ZNF366: variants seen among roughly 807,000 people sequenced by gnomAD.
ZNF366 encodes the protein zinc finger protein 366, also known as dendritic cell-specific transcript protein.
In ZNF366, 20 loss-of-function variants were observed where a neutral mutation model predicts 47.2. The observed-to-expected ratio is 0.42, with a 90% CI of 0.30 to 0.62. The LOEUF is 0.62. ZNF366 is among the 20% of genes least tolerant of loss of function. The pLI is 0.16. For missense variants in ZNF366, 987 were observed against 976.3 expected, an observed-to-expected ratio of 1.01 and a Z score of -0.15; for synonymous variants, 421 against 395.1, an observed-to-expected ratio of 1.07 and a Z score of -0.78.
chr5:72,503,530 T>TACACACACACACACAC (rs34375286), intron 1 of ZNF366, among the ~76,000 whole-genome samples: 1 of 148,736 alleles, frequency 6.7e-6, no homozygotes, highest in African/African-American at 2.5e-5. Context: ...TGAATTCTAA[T>TACACACACACACACAC]ACACACACAC....
chr5:72,493,977 T>C (rs1012701746), intron 1 of ZNF366, among the ~76,000 whole-genome samples: 27 of 144,364 alleles, frequency 1.9e-4, no homozygotes, highest in Admixed American at 1.7e-3. Context: ...TTCACCATAT[T>C]GGCCAGGCCA....
intron 1 of ZNF366, among the ~76,000 whole-genome samples, chr5:72,462,548 T>TTTCTTTCTTTC (rs1491183598): frequency 4.1e-5 from 1 of 24,490 alleles, no homozygotes; most frequent in African/African-American, 2.4e-4. Context: ...TCTTTCTTTC[T>TTTCTTTCTTTC]TTTTTTTTTT....
intron 2 of ZNF366, 53 bp downstream of exon 2, chr5:72,460,112 G>A (rs1743268969): frequency 6.3e-7 from 1 of 1,578,134 alleles, no homozygotes; most frequent in Non-Finnish European, 8.6e-7. Context: ...TCTGCTCAGG[G>A]CCCCGCTCCT....
chr5:72,459,894 T>A (rs1048149913), intron 2 of ZNF366, among the ~76,000 whole-genome samples: 7 of 152,194 alleles, frequency 4.6e-5, no homozygotes, highest in Non-Finnish European at 7.3e-5. Context: ...TCCTTCCTCA[T>A]CTCCTCTGCA....
intron 1 of ZNF366, among the ~76,000 whole-genome samples, chr5:72,485,161 C>A (rs994811317): frequency 4.6e-5 from 7 of 152,124 alleles, no homozygotes; most frequent in African/African-American, 1.7e-4. Context: ...TGATTAAATG[C>A]GGAAAAAATA....
intron 3 of ZNF366, among the ~76,000 whole-genome samples, chr5:72,448,007 G>C (rs1742992519): frequency 6.6e-6 from 1 of 152,118 alleles, no homozygotes; most frequent in Non-Finnish European, 1.5e-5. Flanking sequence ...ACCATACTGT[G>C]CGTCTCCCAA....
chr5:72,502,272 A>G (rs911136695), intron 1 of ZNF366, among the ~76,000 whole-genome samples: 5 of 152,248 alleles, frequency 3.3e-5, no homozygotes, highest in African/African-American at 4.8e-5. Flanking sequence ...CTGGATGAAG[A>G]CATGTTCTTA....
At chr5:72,494,046 C>T (rs1006154113) in intron 1 of ZNF366, among the ~76,000 whole-genome samples, 4 of 150,750 alleles carry the variant, frequency 2.7e-5, no homozygotes, top group Non-Finnish European at 5.9e-5. Flanking sequence ...GCTGGGATTA[C>T]AGGAGTGAGC....
chr5:72,460,502 C>A lies in ZNF366; in HGVS notation c.995G>T (p.Ser332Ile). Residue 332 changes from serine to isoleucine, a missense_variant, in exon 2 of 5, where the codon AGC (serine) becomes ATC (isoleucine). Physicochemically the swap from Ser to Ile is moderately radical, Grantham distance 142. Around this residue, in one of 3 missense-constraint regions of ZNF366, gnomAD observed 591 missense variants for 560.9 expected, o/e 1.05. Transcript: ENST00000318442. ...SHLKRHMMQH[S>I]EVKPHNCRVC... ...GCGGCAGTTGTGCGGCTTCACCTCG[C>A]TGTGCTGCATCATGTGGCGCTTCAG... The A allele has an allele frequency of 6.2e-7, 1 of 1,614,016 alleles. No homozygotes were observed. The highest frequency in any genetic ancestry group is 8.5e-7 in the Non-Finnish European group (1 of 1,179,986).
intron 1 of ZNF366, among the ~76,000 whole-genome samples, chr5:72,479,254 G>A (rs542238789): frequency 6.6e-6 from 1 of 152,000 alleles, no homozygotes; most frequent in Non-Finnish European, 1.5e-5. Context: ...AGGTTGAATA[G>A]CCTGATTGTA....
At chr5:72,495,572 G>C (rs896273849) in intron 1 of ZNF366, among the ~76,000 whole-genome samples, 1 of 152,100 alleles carries the variant, frequency 6.6e-6, no homozygotes, top group Non-Finnish European at 1.5e-5. Context: ...CCCAATAAAC[G>C]GAGAGTCAAC....
chr5:72,461,764 G>A (rs910842765), intron 1 of ZNF366, among the ~76,000 whole-genome samples: 11 of 152,166 alleles, frequency 7.2e-5, no homozygotes, highest in African/African-American at 2.7e-4. Flanking sequence ...TGTAAATCCA[G>A]CCACAAAACC....
In ZNF366 at chr5:72,444,167, C is replaced by A. The variant is rs760899891; in HGVS notation, c.1824G>T (p.Gly608=). 1.5e-5 allele frequency: 24 copies of A among 1,613,594 alleles called. No homozygotes were observed. Among genetic ancestry groups the A allele is most frequent in the Non-Finnish European group, 2.0e-5 (24 of 1,180,040 alleles). The change falls in exon 5 of 5, where the codon GGG becomes GGT. Residue 608 remains glycine (G), a synonymous_variant. Coordinates refer to ENST00000318442, the MANE Select transcript of ZNF366 (RefSeq NM_152625.3). ...RAKVPVFQSD[G]ESAQGSHCHE... is the part of the protein sequence containing the mutation. ...GGCAGTGGCTGCCCTGGGCACTCTCCCCGTCTGACTGGAACACCGGCACCT... is the reference window on the plus strand; with the variant it reads ...GGCAGTGGCTGCCCTGGGCACTCTCACCGTCTGACTGGAACACCGGCACCT...
At chr5:72,448,809 G>A (rs1261694609) in intron 3 of ZNF366, among the ~76,000 whole-genome samples, 1 of 152,122 alleles carries the variant, frequency 6.6e-6, no homozygotes, top group Non-Finnish European at 1.5e-5. Context: ...AGAGTAGATA[G>A]ACCTCTCAAA....
chr5:72,479,123 G>A (rs1743730871), intron 1 of ZNF366, among the ~76,000 whole-genome samples: 1 of 152,126 alleles, frequency 6.6e-6, no homozygotes. Context: ...TTTGTAACAG[G>A]AAACATTGTA....
chr5:72,463,202 C>T (rs979379095), intron 1 of ZNF366, among the ~76,000 whole-genome samples: 1 of 152,212 alleles, frequency 6.6e-6, no homozygotes, highest in Admixed American at 6.5e-5. Context: ...TTACAATGAT[C>T]CAGCTGTTCT....
At chr5:72,459,906 A>C (rs2112326977) in intron 2 of ZNF366, among the ~76,000 whole-genome samples, 1 of 152,270 alleles carries the variant, frequency 6.6e-6, no homozygotes, top group South Asian at 2.1e-4. Context: ...TCCTCTGCAA[A>C]TGTCTGCATT....
chr5:72,461,299 C>A lies in ZNF366; in HGVS notation c.198G>T (p.Gly66=). The change falls in exon 2 of 5, where the codon GGG becomes GGT. Residue 66 remains glycine (G), a synonymous_variant. Coordinates refer to ENST00000318442, the MANE Select transcript of ZNF366 (RefSeq NM_152625.3). ...RYEPPPGDLD[G]FPGVFEGAGS... Reference sequence around the variant, plus strand: ...CTGCTCCTTCGAAGACCCCGGGGAACCCATCTAGGTCTCCTGGGGGAGGTT... The same window carrying A: ...CTGCTCCTTCGAAGACCCCGGGGAAACCATCTAGGTCTCCTGGGGGAGGTT... The A allele has an allele frequency of 1.2e-6, 2 of 1,614,050 alleles. No homozygotes were observed. The highest frequency in any genetic ancestry group is 1.7e-6 in the Non-Finnish European group (2 of 1,180,006).
intron 3 of ZNF366, among the ~76,000 whole-genome samples, chr5:72,452,373 G>T (rs1318740541): frequency 2.0e-5 from 3 of 152,196 alleles, no homozygotes; most frequent in Admixed American, 6.5e-5. Context: ...GCGGTCCCCT[G>T]GGGACATGTG....
Sources: gnomAD v4.1 joint callset for allele counts (sites outside exome capture counted in the v4.1 genomes callset) on GRCh38, gnomAD v4.1.1 for gene constraint, gnomAD v4.1.1 regional missense constraint, MANE v1.5 for transcripts, NCBI Gene and HGNC (gene_info 2026-07-23, HGNC 2026-07-21) for gene names.